KIAA0825: variants seen among roughly 807,000 people sequenced by gnomAD.
KIAA0825 encodes KIAA0825, also known as uncharacterized protein KIAA0825.
KIAA0825 carries 119 observed loss-of-function variants against 147.6 expected under a neutral mutation model. That is an observed-to-expected ratio of 0.81 (90% CI 0.69 to 0.94). The LOEUF (loss-of-function observed/expected upper bound fraction) is 0.94. KIAA0825 is among the 40% of genes least tolerant of loss of function. The pLI, the probability that KIAA0825 is intolerant of heterozygous loss-of-function variation, is 0.00. For synonymous variants in KIAA0825, 470 were observed against 518.1 expected (o/e 0.91, Z 1.26); for missense variants, 1,381 against 1,472.7 (o/e 0.94, Z 1.02).
At chr5:94,518,426 C>A (rs1414442946) in intron 5 of KIAA0825, among the ~76,000 whole-genome samples, 1 of 152,110 alleles carries the variant, frequency 6.6e-6, no homozygotes, top group Non-Finnish European at 1.5e-5. Flanking sequence ...CCCACTTGAA[C>A]AGTGCTGTTT....
At chr5:94,295,733 A>G (rs921253804) in intron 20 of KIAA0825, among the ~76,000 whole-genome samples, 9 of 152,148 alleles carry the variant, frequency 5.9e-5, no homozygotes, top group Admixed American at 1.3e-4. Context: ...ACCCTGTTTG[A>G]CTAGGTATCA....
chr5:94,612,998 T>C lies in KIAA0825; in HGVS notation c.-153+5502A>G, dbSNP rs559530362. ...GAAATTGTGGCTCAGGGAATTTAAG[T>C]AACTTCTTCAAGGCTATCATTATAT... On this transcript the variant is annotated intron_variant, in intron 1 of 20. Coordinates refer to ENST00000682413, the MANE Select transcript of KIAA0825 (RefSeq NM_001145678.3). Among the ~76,000 whole-genome samples the C allele has an allele frequency of 9.8e-5, 15 of 152,352 alleles. No individual in the cohort carries two copies. The East Asian group carries it at 2.9e-3, about 29-fold the overall frequency.
chr5:94,366,826 T>C (rs774638936), intron 20 of KIAA0825, among the ~76,000 whole-genome samples: 7 of 152,208 alleles, frequency 4.6e-5, no homozygotes, highest in Admixed American at 2.6e-4. Context: ...TCCACGACAG[T>C]ACCCCAAACA....
At chr5:94,473,570 T>A in intron 7 of KIAA0825, 51 bp from the exon 8 acceptor site, 2 of 1,087,288 alleles carry the variant, frequency 1.8e-6, no homozygotes, top group Non-Finnish European at 2.7e-6. Flanking sequence ...CAGCAACAAA[T>A]GTTTCTATTG....
intron 20 of KIAA0825, among the ~76,000 whole-genome samples, chr5:94,263,437 G>T (rs1177506114): frequency 6.6e-6 from 1 of 152,080 alleles, no homozygotes; most frequent in Non-Finnish European, 1.5e-5. Context: ...ACACCTGCCA[G>T]AACAGGATTC....
At chr5:94,248,660 G>A (rs115091348) in intron 20 of KIAA0825, among the ~76,000 whole-genome samples, 4,683 of 152,204 alleles carry the variant, frequency 0.031, 99 homozygotes, top group Middle Eastern at 0.065. Context: ...GGAGGAAGGA[G>A]AAGTTGCTGA....
intron 20 of KIAA0825, among the ~76,000 whole-genome samples, chr5:94,297,377 TTTTA>T (rs1197881442): frequency 2.6e-5 from 4 of 152,194 alleles, no homozygotes; most frequent in African/African-American, 9.7e-5. Context: ...CTACTTGGAG[TTTTA>T]TTTGTGTTTA....
At chr5:94,249,042 T>C (rs1361939943) in intron 20 of KIAA0825, among the ~76,000 whole-genome samples, 1 of 151,564 alleles carries the variant, frequency 6.6e-6, no homozygotes, top group Non-Finnish European at 1.5e-5. Flanking sequence ...ATATCTTATA[T>C]TTTTTTTTCC....
chr5:94,593,144 A>C, intron 1 of KIAA0825: 1 of 747,228 alleles, frequency 1.3e-6, no homozygotes, highest in Non-Finnish European at 2.5e-6. Flanking sequence ...ATCACACAAC[A>C]GTTTGCTGGT....
intron 1 of KIAA0825, among the ~76,000 whole-genome samples, chr5:94,585,732 T>C (rs975410995): frequency 6.6e-6 from 1 of 152,146 alleles, no homozygotes; most frequent in African/African-American, 2.4e-5. Context: ...ATCAACAGAA[T>C]ATACATTCTT....
At chr5:94,475,583 G>A (rs907036201) in intron 7 of KIAA0825, among the ~76,000 whole-genome samples, 5 of 152,098 alleles carry the variant, frequency 3.3e-5, no homozygotes, top group African/African-American at 7.2e-5. Context: ...CGAGGCAGGC[G>A]GATCACCTGA....
At chr5:94,182,056 T>C (rs541500111) in intron 20 of KIAA0825, among the ~76,000 whole-genome samples, 135 of 151,974 alleles carry the variant, frequency 8.9e-4, no homozygotes, top group Middle Eastern at 6.8e-3. Flanking sequence ...CAAACCTCTT[T>C]CTGACTTGGT....
chr5:94,296,212 A>G (rs1778127661), intron 20 of KIAA0825, among the ~76,000 whole-genome samples: 1 of 152,050 alleles, frequency 6.6e-6, no homozygotes, highest in African/African-American at 2.4e-5. Context: ...CTGTGAGGGG[A>G]AAACTGCCTA....
At chr5:94,417,058 G>T in intron 15 of KIAA0825, 143 bp downstream of exon 15, 2 of 713,994 alleles carry the variant, frequency 2.8e-6, no homozygotes, top group Non-Finnish European at 2.3e-6. Context: ...CCAACAGAAG[G>T]CTTTATACTG....
chr5:94,204,605 C>G (rs1018307465), intron 20 of KIAA0825, among the ~76,000 whole-genome samples: 5 of 152,174 alleles, frequency 3.3e-5, no homozygotes, highest in African/African-American at 9.7e-5. Context: ...CAGTGTGCCA[C>G]TGTGAGCATC....
chr5:94,583,442 T>A (rs1293596803), intron 1 of KIAA0825, among the ~76,000 whole-genome samples: 1 of 152,196 alleles, frequency 6.6e-6, no homozygotes, highest in African/African-American at 2.4e-5. Context: ...ATGCTGGAGC[T>A]TGGCAGTGGG....
At chr5:94,541,212 C>G (rs191276204) in intron 2 of KIAA0825, among the ~76,000 whole-genome samples, 3 of 152,266 alleles carry the variant, frequency 2.0e-5, no homozygotes, top group Non-Finnish European at 2.9e-5. Flanking sequence ...TGGAGTTAGA[C>G]GCTGGAAAGA....
intron 20 of KIAA0825, among the ~76,000 whole-genome samples, chr5:94,328,457 A>G (rs13180222): frequency 0.14 from 20,956 of 151,980 alleles, 1,627 homozygotes; most frequent in African/African-American, 0.2. Context: ...TTATAGAACA[A>G]TAAAGTGAAT....
intron 1 of KIAA0825, among the ~76,000 whole-genome samples, chr5:94,610,250 T>C (rs1043725639): frequency 1.3e-5 from 2 of 150,688 alleles, no homozygotes; most frequent in Non-Finnish European, 3.0e-5. Context: ...TGAAACCCCA[T>C]CTCTACTAAA....
Sources: allele counts gnomAD v4.1 joint callset (sites outside exome capture counted in the v4.1 genomes callset), GRCh38; gene constraint gnomAD v4.1.1; transcripts MANE v1.5; gene names NCBI Gene and HGNC (gene_info 2026-07-23, HGNC 2026-07-21).